Variants in URGCP observed in about 807,000 individuals in gnomAD.
URGCP encodes the protein upregulator of cell proliferation, also known as up-regulator of cell proliferation.
In URGCP, 13 loss-of-function variants were observed where a neutral mutation model predicts 24.6. That is an observed-to-expected ratio of 0.53 (90% CI 0.34 to 0.84). URGCP has a LOEUF of 0.84. URGCP is among the 40% of genes least tolerant of loss of function. The pLI, the probability that URGCP is intolerant of heterozygous loss-of-function variation, is 0.01. For synonymous variants in URGCP, 444 were observed against 487.2 expected, an observed-to-expected ratio of 0.91 and a Z score of 1.17; for missense variants, 899 against 1,194.3, an observed-to-expected ratio of 0.75 and a Z score of 3.64.
chr7:43,882,437 G>A (rs1056209922), intron 3 of URGCP, among the ~76,000 whole-genome samples: 16 of 152,138 alleles, frequency 1.1e-4, no homozygotes, highest in African/African-American at 3.4e-4. Flanking sequence ...GCGACAGAGT[G>A]AGGCTATCTC....
chr7:43,882,650 C>A (rs1162762681), intron 3 of URGCP, among the ~76,000 whole-genome samples: 1 of 151,430 alleles, frequency 6.6e-6, no homozygotes, highest in Non-Finnish European at 1.5e-5. Flanking sequence ...CGTCAAGTGA[C>A]AATATGGTGG....
intron 1 of URGCP, among the ~76,000 whole-genome samples, chr7:43,924,753 G>C (rs1408347037): frequency 6.6e-6 from 1 of 152,108 alleles, no homozygotes; most frequent in Admixed American, 6.6e-5. Flanking sequence ...GGAAGGAGAA[G>C]GTAAAGCTGG....
At chr7:43,898,672 G>T (rs1050456486) in intron 1 of URGCP, among the ~76,000 whole-genome samples, 1 of 152,054 alleles carries the variant, frequency 6.6e-6, no homozygotes, top group Admixed American at 6.6e-5. Flanking sequence ...GGCTGAGGTG[G>T]ATCGCTTGAG....
chr7:43,902,682 T>C (rs1275625265), intron 1 of URGCP, among the ~76,000 whole-genome samples: 1 of 152,224 alleles, frequency 6.6e-6, no homozygotes, highest in African/African-American at 2.4e-5. Flanking sequence ...GACTCAATTA[T>C]TCCATCAGGC....
At chr7:43,898,086 G>A (rs756429340) in intron 1 of URGCP, among the ~76,000 whole-genome samples, 2 of 152,116 alleles carry the variant, frequency 1.3e-5, no homozygotes, top group Non-Finnish European at 2.9e-5. Context: ...CCTTCAACGC[G>A]TATAGGAGAG....
At chr7:43,882,489 A>G (rs1476807766) in intron 3 of URGCP, among the ~76,000 whole-genome samples, 1 of 152,122 alleles carries the variant, frequency 6.6e-6, no homozygotes, top group African/African-American at 2.4e-5. Context: ...GCATGATGCC[A>G]CGAGCCTGTG....
chr7:43,888,772 G>C (rs925962790), intron 1 of URGCP: 1 of 152,244 alleles, frequency 6.6e-6, no homozygotes, highest in African/African-American at 2.4e-5. Context: ...GTGTATACGA[G>C]TGTACACATG....
At chr7:43,901,763 G>A (rs10236429) in intron 1 of URGCP, among the ~76,000 whole-genome samples, 14,283 of 152,258 alleles carry the variant, frequency 0.094, 855 homozygotes, top group Middle Eastern at 0.16. Context: ...ACCAGGCCGG[G>A]CCTCCAGTGG....
At chr7:43,881,051 T>C in intron 5 of URGCP, 1 of 627,544 alleles carries the variant, frequency 1.6e-6, no homozygotes, top group Non-Finnish European at 2.8e-6. Context: ...ACAAAAGTAC[T>C]ATATGGGAAG....
At chr7:43,888,769 C>T (rs977383662) in intron 1 of URGCP, 2 of 152,102 alleles carry the variant, frequency 1.3e-5, no homozygotes, top group African/African-American at 2.4e-5. Flanking sequence ...TGTGTGTATA[C>T]GAGTGTACAC....
intron 1 of URGCP, among the ~76,000 whole-genome samples, chr7:43,900,807 G>A (rs1379511146): frequency 1.3e-5 from 2 of 152,112 alleles, no homozygotes; most frequent in East Asian, 3.8e-4. Context: ...GGCATTTTTT[G>A]TTAAGCCATA....
Position 43,887,502 on chromosome 7 carries a change from A to C in URGCP, c.42-17T>G. 6.2e-7 allele frequency: 1 copy of C among 1,613,040 alleles called. No homozygotes were observed. The highest frequency in any genetic ancestry group is 1.1e-5 in the South Asian group (1 of 90,760). On this transcript the variant is annotated splice_polypyrimidine_tract_variant and intron_variant, in intron 2 of 5. Coordinates refer to ENST00000453200, the MANE Select transcript of URGCP (RefSeq NM_001077663.3). ...TCTGAATGCCTGAAACAATTTCAGA[A>C]GAAAATTATAATTAAAAAAATGGAA...
In URGCP at chr7:43,876,860, CAGA is replaced by C. The variant is rs1458008916; in HGVS notation, c.2600_2602del (p.Phe867del). On this transcript the variant is annotated inframe_deletion, in exon 6 of 6. Transcript: ENST00000453200. ...CCAGATGTGCTGCTTCTCAGGGTCG[CAGA>C]AGGCCAGGCCTGCCAGTGCCCGGAA... 6.2e-7 allele frequency: 1 copy of C among 1,614,096 alleles called. No individual in the cohort carries two copies. The highest frequency in any genetic ancestry group is 2.2e-5 in the East Asian group (1 of 44,888).
Position 43,886,150 on chromosome 7 carries a change from T to A in URGCP, c.112+1265A>T, listed in dbSNP as rs138482094. ...CTCAAAAAATATTTGTTTGAATGAATAAAATAGTGATTTTTTCCATAGAGA... is the reference window on the plus strand; with the variant it reads ...CTCAAAAAATATTTGTTTGAATGAAAAAAATAGTGATTTTTTCCATAGAGA... On this transcript the variant is annotated intron_variant, in intron 3 of 5. Transcript: ENST00000453200. 2.3e-3 allele frequency among the ~76,000 whole-genome samples: 348 copies of A among 152,330 alleles called. 2 individuals carry two copies. Among genetic ancestry groups the A allele is most frequent in the Middle Eastern group, 0.01 (3 of 292 alleles).
intron 5 of URGCP, among the ~76,000 whole-genome samples, chr7:43,881,434 G>C (rs931682275): frequency 6.6e-6 from 1 of 151,896 alleles, no homozygotes; most frequent in Non-Finnish European, 1.5e-5. Flanking sequence ...GTGGTGGAGG[G>C]GGGGCCTGGT....
intron 1 of URGCP, among the ~76,000 whole-genome samples, chr7:43,912,061 T>C (rs184218407): frequency 5.3e-4 from 81 of 152,252 alleles, no homozygotes; most frequent in African/African-American, 1.9e-3. Flanking sequence ...CAGTCAGTTC[T>C]AAGAGGGCAA....
At chr7:43,900,464 C>CAAAAA (rs1166653286) in intron 1 of URGCP, among the ~76,000 whole-genome samples, 8 of 54,476 alleles carry the variant, frequency 1.5e-4, no homozygotes, top group East Asian at 4.8e-4. Context: ...CAAAAAAAAC[C>CAAAAA]AAAACAAAAA....
intron 1 of URGCP, among the ~76,000 whole-genome samples, chr7:43,922,445 T>G (rs1387186868): frequency 6.6e-6 from 1 of 152,250 alleles, no homozygotes; most frequent in African/African-American, 2.4e-5. Flanking sequence ...GTGTGAGGGT[T>G]CCAACTTCTC....
intron 1 of URGCP, among the ~76,000 whole-genome samples, chr7:43,916,036 G>C (rs576830480): frequency 6.6e-6 from 1 of 152,116 alleles, no homozygotes; most frequent in African/African-American, 2.4e-5. Context: ...TCTCCCTGTT[G>C]GAGAAACTCA....
Sources: allele counts gnomAD v4.1 joint callset (sites outside exome capture counted in the v4.1 genomes callset), GRCh38; gene constraint gnomAD v4.1.1; transcripts MANE v1.5; gene names NCBI Gene and HGNC (gene_info 2026-07-23, HGNC 2026-07-21).